Variants in AKAP13 observed in about 807,000 individuals in gnomAD.
The protein encoded by AKAP13 is A-kinase anchoring protein 13, also known as A-kinase anchor protein 13.
In AKAP13, 80 loss-of-function variants were observed where a neutral mutation model predicts 264.5. The ratio of observed to expected loss-of-function variants is 0.30; its 90% CI spans 0.25 to 0.36. AKAP13 has a LOEUF of 0.36. Among genes scored for constraint, AKAP13 ranks in the 10% least tolerant of loss-of-function variants. The probability of loss-of-function intolerance (pLI) is 1.00; values close to 1 mark genes in which losing one functional copy is unlikely to be tolerated. For missense variants in AKAP13, 3,712 were observed against 3,435.2 expected, an observed-to-expected ratio of 1.08 and a Z score of -2.01; for synonymous variants, 1,380 against 1,250.2, an observed-to-expected ratio of 1.10 and a Z score of -2.19.
At chr15:85,409,741 C>T (rs1412703112) in intron 1 of AKAP13, among the ~76,000 whole-genome samples, 1 of 151,012 alleles carries the variant, frequency 6.6e-6, no homozygotes, top group African/African-American at 2.5e-5. Context: ...CGCCATTCTC[C>T]TGCGTCAGCC....
chr15:85,716,851 T>C (rs180940276), intron 20 of AKAP13, among the ~76,000 whole-genome samples: 30 of 152,322 alleles, frequency 2.0e-4, no homozygotes, highest in African/African-American at 6.3e-4. Context: ...CACACATCAA[T>C]TGGGTGCCTG....
In AKAP13 at chr15:85,579,871, A is replaced by G. The variant is rs1362062922; in HGVS notation, c.1803A>G (p.Leu601=). The G allele has an allele frequency of 6.2e-7, 1 of 1,614,120 alleles. No homozygotes were observed. Among genetic ancestry groups the G allele is most frequent in the Non-Finnish European group, 8.5e-7 (1 of 1,180,060 alleles). Reference sequence around the variant, plus strand: ...CAAAAGACAAGATTTCAGATGGATTAGAACCTTATACTCTCTTAGCAGCAG... The same window carrying G: ...CAAAAGACAAGATTTCAGATGGATTGGAACCTTATACTCTCTTAGCAGCAG... ...AAAKDKISDG[L]EPYTLLAAGI... The change falls in exon 7 of 37, where the codon TTA becomes TTG. Residue 601 remains leucine, a synonymous_variant. Transcript: ENST00000394518.
chr15:85,516,315 T>C (rs2076596253), intron 2 of AKAP13, among the ~76,000 whole-genome samples: 1 of 152,246 alleles, frequency 6.6e-6, no homozygotes, highest in Non-Finnish European at 1.5e-5. Flanking sequence ...TCCTCCATTA[T>C]GGCATAAGGA....
At chr15:85,396,801 T>C (rs1378514649) in intron 1 of AKAP13, among the ~76,000 whole-genome samples, 3 of 152,126 alleles carry the variant, frequency 2.0e-5, no homozygotes, top group African/African-American at 4.8e-5. Context: ...TTAAGCACTT[T>C]TATATGAAAT....
intron 14 of AKAP13, among the ~76,000 whole-genome samples, chr15:85,678,432 G>T (rs973308721): frequency 6.6e-6 from 1 of 152,108 alleles, no homozygotes; most frequent in Non-Finnish European, 1.5e-5. Flanking sequence ...TAAGGATTTG[G>T]TATATTTTTC....
At chr15:85,645,787 T>TTTC (rs752220722) in intron 9 of AKAP13, 31 bp from the exon 10 acceptor site, 3 of 1,546,148 alleles carry the variant, frequency 1.9e-6, no homozygotes, top group Non-Finnish European at 1.7e-6. Flanking sequence ...TTTTTTTTTT[T>TTTC]CAATATTGGT....
intron 5 of AKAP13, chr15:85,555,555 C>G: frequency 8.9e-7 from 1 of 1,128,418 alleles, no homozygotes. Context: ...GACATTTTCT[C>G]TGGCTTTTTG....
rs373477423 is a variant in AKAP13 at position 85,516,238 on chromosome 15, G to T, written c.34-5190G>T. ...ATTATGTGCCAGGCACTTGATATAG[G>T]TGCTTTCCTTTTATCAATCACTTAA... On this transcript the variant is annotated intron_variant, in intron 2 of 36. Coordinates refer to ENST00000394518, the MANE Select transcript of AKAP13 (RefSeq NM_007200.5). Among the ~76,000 whole-genome samples the T allele has an allele frequency of 1.8e-4, 28 of 152,264 alleles. No individual in the cohort carries two copies. The East Asian group carries it at 5.2e-3, about 28-fold the overall frequency.
chr15:85,434,630 C>T (rs1191719371), intron 1 of AKAP13, among the ~76,000 whole-genome samples: 9 of 151,250 alleles, frequency 6.0e-5, no homozygotes, highest in Non-Finnish European at 1.0e-4. Context: ...ATCTGAGAAC[C>T]GGCAGACTGC....
intron 1 of AKAP13, among the ~76,000 whole-genome samples, chr15:85,425,045 A>G (rs768432608): frequency 2.0e-5 from 3 of 152,220 alleles, no homozygotes; most frequent in Non-Finnish European, 2.9e-5. Context: ...ACAGATTACC[A>G]TAACAGATAT....
chr15:85,519,338 G>A (rs769077030), intron 2 of AKAP13, among the ~76,000 whole-genome samples: 9 of 151,986 alleles, frequency 5.9e-5, no homozygotes, highest in South Asian at 2.1e-4. Flanking sequence ...CCCCACACCC[G>A]CCCCCACAAA....
chr15:85,534,023 C>A, intron 4 of AKAP13, 143 bp downstream of exon 4: 2 of 880,030 alleles, frequency 2.3e-6, no homozygotes, highest in Non-Finnish European at 3.3e-6. Flanking sequence ...AGGAAAGTGG[C>A]CTCAATGGCA....
chr15:85,592,051 T>C (rs74451431), intron 8 of AKAP13, among the ~76,000 whole-genome samples: 2 of 150,344 alleles, frequency 1.3e-5, no homozygotes, highest in East Asian at 3.9e-4. Flanking sequence ...ATGATCTTTT[T>C]TTTTTTTTTT....
chr15:85,535,163 G>A (rs946556750), intron 4 of AKAP13: 2 of 152,242 alleles, frequency 1.3e-5, no homozygotes, highest in East Asian at 3.9e-4. Flanking sequence ...CAGTTCCTGA[G>A]GAGAAATACC....
intron 1 of AKAP13, among the ~76,000 whole-genome samples, chr15:85,383,833 T>C (rs550040282): frequency 2.4e-4 from 36 of 152,304 alleles, no homozygotes; most frequent in African/African-American, 8.7e-4. Context: ...GGCAAATAAG[T>C]GTGGATTGTG....
At position 85,745,564 on chromosome 15, in the gene AKAP13, CACTG is replaced by C. The variant is rs940090613; in HGVS notation, c.*890_*893del. ...CTGCAGCGTGACACCTTTTGATTGT[CACTG>C]ACCACTCAGAAGGGGCCACGGCCTC... is the stretch of plus-strand genomic sequence containing the variant. On this transcript the variant is annotated 3_prime_UTR_variant, in exon 37 of 37. Transcript: ENST00000394518. The C allele has an allele frequency of 6.6e-6, 1 of 152,204 alleles. No homozygotes were observed. Among genetic ancestry groups the C allele is most frequent in the Non-Finnish European group, 1.5e-5 (1 of 68,044 alleles). 9.4% of individuals were successfully genotyped at this position (152,204 alleles called of 1,614,324 possible).
intron 2 of AKAP13, among the ~76,000 whole-genome samples, chr15:85,514,336 CT>C (rs1274104569): frequency 1.4e-5 from 2 of 138,206 alleles, no homozygotes; most frequent in Non-Finnish European, 3.1e-5. Context: ...TATTGCTGTT[CT>C]TGATTGTGTA....
intron 1 of AKAP13, among the ~76,000 whole-genome samples, chr15:85,467,302 A>G (rs530117547): frequency 4.4e-4 from 58 of 132,530 alleles, no homozygotes; most frequent in African/African-American, 1.4e-3. Flanking sequence ...TAGGTACTCA[A>G]TAAATGTTTG....
At chr15:85,658,877 C>T (rs2083216016) in intron 12 of AKAP13, among the ~76,000 whole-genome samples, 1 of 152,060 alleles carries the variant, frequency 6.6e-6, no homozygotes. Flanking sequence ...TAGGGTCTCA[C>T]CTAGCTTTCT....
Sources: allele counts gnomAD v4.1 joint callset (sites outside exome capture counted in the v4.1 genomes callset), GRCh38; gene constraint gnomAD v4.1.1; transcripts MANE v1.5; gene names NCBI Gene and HGNC (gene_info 2026-07-23, HGNC 2026-07-21).